Variants in BRCC3 observed in about 807,000 individuals in gnomAD.
The protein encoded by BRCC3 is lys-63-specific deubiquitinase BRCC36.
Under a neutral mutation model 28.0 loss-of-function variants are expected in BRCC3, and 15 were observed. The ratio of observed to expected loss-of-function variants is 0.54; its 90% CI spans 0.36 to 0.82. The LOEUF is 0.82. Among genes scored for constraint, BRCC3 ranks in the 40% least tolerant of loss-of-function variants. The pLI, the probability that BRCC3 is intolerant of heterozygous loss-of-function variation, is 0.01. For synonymous variants in BRCC3, 66 were observed against 80.3 expected (o/e 0.82, Z 0.95); for missense variants, 109 against 225.9 (o/e 0.48, Z 3.32).
At chrX:155,093,465 A>G (rs782580826) in intron 7 of BRCC3, among the ~76,000 whole-genome samples, 1 of 109,159 alleles carries the variant, frequency 9.2e-6, no homozygotes, top group African/African-American at 3.3e-5. Flanking sequence ...TAAGGAAAGG[A>G]GGCTTTCTAG....
intron 3 of BRCC3, among the ~76,000 whole-genome samples, chrX:155,076,018 T>C (rs2074038676): frequency 1.8e-5 from 2 of 112,593 alleles, no homozygotes; most frequent in African/African-American, 6.5e-5. Flanking sequence ...GATTTTTTTC[T>C]TTTTTAGATT....
At chrX:155,105,684 T>G (rs1299394411) in intron 7 of BRCC3, among the ~76,000 whole-genome samples, 1 of 111,804 alleles carries the variant, frequency 8.9e-6, no homozygotes, top group Non-Finnish European at 1.9e-5. Flanking sequence ...TCTCAGTGTT[T>G]CCCTGACTAT....
chrX:155,087,319 C>T (rs1489321511), intron 5 of BRCC3, among the ~76,000 whole-genome samples: 1 of 112,074 alleles, frequency 8.9e-6, no homozygotes, highest in Non-Finnish European at 1.9e-5. Flanking sequence ...GAGGGGTGAC[C>T]GAGGCCAGTC....
Position 155,073,438 on chromosome X carries a change from G to A in BRCC3, c.195+7G>A. ...GCGCACAGTTGCTGAAAAGGTATGT[G>A]TGCTAAAATTTTGCATGATGGAAAC... On this transcript the variant is annotated splice_region_variant and intron_variant, in intron 3 of 10. Coordinates refer to ENST00000330045, the MANE Select transcript of BRCC3 (RefSeq NM_001018055.3). The A allele has an allele frequency of 8.6e-7, 1 of 1,165,643 alleles. No homozygotes were observed. The highest frequency in any genetic ancestry group is 1.1e-6 in the Non-Finnish European group (1 of 872,412).
chrX:155,122,164 C>T lies in BRCC3; in HGVS notation c.*960C>T. The T allele has an allele frequency of 9.4e-6, 1 of 106,405 alleles. No individual in the cohort carries two copies. Among genetic ancestry groups the T allele is most frequent in the South Asian group, 4.1e-4 (1 of 2,469 alleles). The allele number at this position is 106,405 out of a possible 1,213,427, so 8.8% of individuals were successfully genotyped here. ...AGGCCACAAAACTCAACAATAAAAA[C>T]AAACAGTCCAATTAGAAAATGGGCA... On this transcript the variant is annotated 3_prime_UTR_variant, in exon 11 of 11. Transcript: ENST00000330045.
intron 2 of BRCC3, among the ~76,000 whole-genome samples, chrX:155,072,594 C>A (rs1218651131): frequency 2.7e-5 from 3 of 111,592 alleles, no homozygotes; most frequent in Non-Finnish European, 3.8e-5. Context: ...CAGAGCCTCA[C>A]TCTGTCGCCC....
At chrX:155,102,869 G>A (rs1245131847) in intron 7 of BRCC3, among the ~76,000 whole-genome samples, 1 of 111,945 alleles carries the variant, frequency 8.9e-6, no homozygotes. Flanking sequence ...TTCAGTGGTT[G>A]CTTTAGGGTT....
intron 7 of BRCC3, among the ~76,000 whole-genome samples, chrX:155,105,351 C>T (rs927008772): frequency 1.8e-4 from 20 of 111,331 alleles, no homozygotes; most frequent in Admixed American, 7.6e-4. Flanking sequence ...AGTGTGGTGG[C>T]GCATGCCTGT....
chrX:155,089,112 T>C, intron 5 of BRCC3, 151 bp from the exon 6 acceptor site: 1 of 441,260 alleles, frequency 2.3e-6, no homozygotes, highest in Non-Finnish European at 4.0e-6. Context: ...ATATTGTCCT[T>C]AGGATATATT....
At chrX:155,104,173 T>G in intron 7 of BRCC3, among the ~76,000 whole-genome samples, 1 of 111,660 alleles carries the variant, frequency 9.0e-6, no homozygotes. Context: ...TCTGGGCCAA[T>G]TCCAATTCAT....
intron 5 of BRCC3, among the ~76,000 whole-genome samples, chrX:155,081,326 T>C (rs1336624368): frequency 1.0e-5 from 1 of 99,725 alleles, no homozygotes; most frequent in Admixed American, 1.1e-4. Flanking sequence ...AGCGAGATTC[T>C]GTCTCAAAAA....
At position 155,090,083 on chromosome X, in the gene BRCC3, C is replaced by T. The variant is rs782494179; in HGVS notation, c.493-701C>T. On this transcript the variant is annotated intron_variant, in intron 6 of 10. Coordinates refer to ENST00000330045, the MANE Select transcript of BRCC3 (RefSeq NM_001018055.3). ...TGGCATGTACTTATTAGGTGCTTTACGTAAATATGCTGTAACCCTGACAAA... is the reference window on the plus strand; with the variant it reads ...TGGCATGTACTTATTAGGTGCTTTATGTAAATATGCTGTAACCCTGACAAA... 4.5e-5 allele frequency among the ~76,000 whole-genome samples: 5 copies of T among 112,115 alleles called. No homozygotes were observed. In the East Asian group the frequency reaches 1.1e-3, roughly 25 times the overall value.
At chrX:155,088,326 A>C (rs1213988079) in intron 5 of BRCC3, among the ~76,000 whole-genome samples, 1 of 110,775 alleles carries the variant, frequency 9.0e-6, no homozygotes, top group Non-Finnish European at 1.9e-5. Flanking sequence ...TCTGAAGACT[A>C]AATTTAGCCT....
chrX:155,113,119 CTTTTTTTTT>C (rs35621321), intron 7 of BRCC3, among the ~76,000 whole-genome samples: 1 of 30,811 alleles, frequency 3.2e-5, no homozygotes, highest in African/African-American at 1.5e-4. Flanking sequence ...GGCTTGCTTG[CTTTTTTTTT>C]TTTTTTTTTT....
intron 5 of BRCC3, among the ~76,000 whole-genome samples, chrX:155,081,915 C>G (rs2074088252): frequency 9.0e-6 from 1 of 110,898 alleles, no homozygotes; most frequent in South Asian, 3.8e-4. Flanking sequence ...AAACAGAGTA[C>G]TAAAGGGAAA....
intron 9 of BRCC3, among the ~76,000 whole-genome samples, chrX:155,118,578 T>G (rs1168158987): frequency 3.5e-5 from 4 of 112,685 alleles, no homozygotes; most frequent in Admixed American, 1.9e-4. Context: ...TTTACAGTTT[T>G]GCAGACTGAA....
chrX:155,102,046 A>G (rs782024000), intron 7 of BRCC3, among the ~76,000 whole-genome samples: 9 of 112,506 alleles, frequency 8.0e-5, no homozygotes, highest in East Asian at 2.8e-4. Flanking sequence ...TTACCACAAT[A>G]TGTTTATCCA....
intron 7 of BRCC3, among the ~76,000 whole-genome samples, chrX:155,091,866 G>T (rs1232961365): frequency 9.1e-6 from 1 of 110,446 alleles, no homozygotes; most frequent in Non-Finnish European, 1.9e-5. Flanking sequence ...AAATGGAAAT[G>T]CAGGGTAGAA....
In BRCC3 at chrX:155,122,309, C is replaced by A. The variant is rs1227183447; in HGVS notation, c.*1105C>A. 1.7e-4 allele frequency: 19 copies of A among 111,779 alleles called. No individual in the cohort carries two copies. Among genetic ancestry groups the A allele is most frequent in the African/African-American group, 6.2e-4 (19 of 30,719 alleles). The allele number at this position is 111,779 out of a possible 1,213,427, so 9.2% of individuals were successfully genotyped here. ...AATTGAAACCACAGCGAGGCTATGA[C>A]TTACTTATCTCAATGGCTAAAGAAA... On this transcript the variant is annotated 3_prime_UTR_variant, in exon 11 of 11. Coordinates refer to ENST00000330045, the MANE Select transcript of BRCC3 (RefSeq NM_001018055.3).
Sources: allele counts gnomAD v4.1 joint callset (sites outside exome capture counted in the v4.1 genomes callset), GRCh38; gene constraint gnomAD v4.1.1; transcripts MANE v1.5; gene names NCBI Gene and HGNC (gene_info 2026-07-23, HGNC 2026-07-21).